Variants in SYCP1 observed in about 807,000 individuals in gnomAD.
SYCP1 encodes synaptonemal complex protein 1.
In SYCP1, 64 loss-of-function variants were observed where a neutral mutation model predicts 153.1. The observed-to-expected ratio is 0.42, with a 90% CI of 0.34 to 0.51. The LOEUF is 0.51. SYCP1 is among the 20% of genes least tolerant of loss of function. The pLI, the probability that SYCP1 is intolerant of heterozygous loss-of-function variation, is 0.06. For synonymous variants in SYCP1, 384 were observed against 341.8 expected (o/e 1.12, Z -1.36); for missense variants, 997 against 1,049.0 (o/e 0.95, Z 0.68).
chr1:114,886,340 A>C (rs781334725), intron 14 of SYCP1, 31 bp downstream of exon 14: 2 of 1,455,556 alleles, frequency 1.4e-6, no homozygotes, highest in Non-Finnish European at 1.8e-6. Context: ...AATACACAAA[A>C]TAAGTGAATA....
chr1:114,864,969 C>T (rs777878221), intron 8 of SYCP1, among the ~76,000 whole-genome samples: 4 of 152,042 alleles, frequency 2.6e-5, no homozygotes, highest in Admixed American at 1.3e-4. Context: ...CCCATTAACT[C>T]GTCATTTAGC....
chr1:114,868,344 T>C (rs1570662792), intron 8 of SYCP1, among the ~76,000 whole-genome samples: 1 of 152,186 alleles, frequency 6.6e-6, no homozygotes. Context: ...TCTTGCTATG[T>C]TGCCCAGGCT....
chr1:114,940,740 A>C (rs779061609), intron 23 of SYCP1, among the ~76,000 whole-genome samples: 2 of 152,132 alleles, frequency 1.3e-5, no homozygotes, highest in Non-Finnish European at 2.9e-5. Flanking sequence ...AATAATGTAT[A>C]TTGTATAGTT....
At chr1:114,871,639 C>A (rs1052803153) in intron 8 of SYCP1, among the ~76,000 whole-genome samples, 1 of 152,122 alleles carries the variant, frequency 6.6e-6, no homozygotes, top group African/African-American at 2.4e-5. Context: ...GTGGCATGAT[C>A]CTGGCTCACT....
chr1:114,921,714 T>C (rs936520986), intron 20 of SYCP1, among the ~76,000 whole-genome samples: 53 of 152,170 alleles, frequency 3.5e-4, no homozygotes, highest in African/African-American at 1.0e-3. Context: ...TAATGTTCTA[T>C]GTATTTACTG....
intron 23 of SYCP1, among the ~76,000 whole-genome samples, chr1:114,930,906 T>C (rs1343115292): frequency 6.6e-6 from 1 of 151,870 alleles, no homozygotes; most frequent in African/African-American, 2.4e-5. Flanking sequence ...TAATACATGA[T>C]AAAAACCATA....
At chr1:114,926,790 A>C (rs1669283410) in intron 23 of SYCP1, among the ~76,000 whole-genome samples, 1 of 152,070 alleles carries the variant, frequency 6.6e-6, no homozygotes, top group Non-Finnish European at 1.5e-5. Flanking sequence ...GCTTGGATTC[A>C]AGCAGCTTAA....
At chr1:114,948,145 TTCA>T (rs1557825462) in intron 27 of SYCP1, among the ~76,000 whole-genome samples, 1 of 152,186 alleles carries the variant, frequency 6.6e-6, no homozygotes, top group Non-Finnish European at 1.5e-5. Flanking sequence ...TTTGAAGCTA[TTCA>T]TCATGTTTCA....
chr1:114,873,644 G>A (rs1665319714), intron 8 of SYCP1, among the ~76,000 whole-genome samples: 1 of 152,196 alleles, frequency 6.6e-6, no homozygotes, highest in Admixed American at 6.5e-5. Flanking sequence ...TTTCCTGTTA[G>A]AAGCACAAGG....
chr1:114,925,601 T>A lies in SYCP1; in HGVS notation c.1801-677T>A, dbSNP rs115579578. 3.2e-3 allele frequency among the ~76,000 whole-genome samples: 491 copies of A among 152,282 alleles called. 2 individuals carry two copies. Among genetic ancestry groups the A allele is most frequent in the African/African-American group, 0.011 (470 of 41,576 alleles). ...TCAGACATTTTTTATTTTATATATA[T>A]TTTATCTATCTGAGCCTTAGTTTCC... is the stretch of plus-strand genomic sequence containing the variant. On this transcript the variant is annotated intron_variant, in intron 21 of 31. Coordinates refer to ENST00000369522, the MANE Select transcript of SYCP1 (RefSeq NM_003176.4).
At chr1:114,948,827 A>G (rs561088331) in intron 27 of SYCP1, among the ~76,000 whole-genome samples, 1 of 152,298 alleles carries the variant, frequency 6.6e-6, no homozygotes, top group South Asian at 2.1e-4. Context: ...CTACTGTTTC[A>G]GTAGAAGAGG....
intron 8 of SYCP1, among the ~76,000 whole-genome samples, chr1:114,861,799 CTTT>C (rs1334859101): frequency 1.5e-5 from 2 of 129,896 alleles, no homozygotes; most frequent in Non-Finnish European, 1.7e-5. Context: ...TTTTTTTATT[CTTT>C]TTTTTTTTTT....
chr1:114,985,714 G>T (rs529129158), intron 30 of SYCP1, among the ~76,000 whole-genome samples: 2 of 151,780 alleles, frequency 1.3e-5, no homozygotes, highest in South Asian at 4.2e-4. Flanking sequence ...CCCTACTTCA[G>T]AACCCCTTTG....
chr1:114,973,021 G>A (rs984026818), intron 27 of SYCP1, among the ~76,000 whole-genome samples: 2 of 151,900 alleles, frequency 1.3e-5, no homozygotes, highest in African/African-American at 4.8e-5. Flanking sequence ...GGGCCTGTGT[G>A]TCTATCTGAT....
intron 27 of SYCP1, among the ~76,000 whole-genome samples, chr1:114,963,933 C>T (rs1409188832): frequency 2.0e-5 from 3 of 152,104 alleles, no homozygotes; most frequent in Non-Finnish European, 4.4e-5. Context: ...GTTCTAGATC[C>T]TTGAGGAATC....
At chr1:114,937,096 A>T (rs1262130944) in intron 23 of SYCP1, among the ~76,000 whole-genome samples, 1 of 152,244 alleles carries the variant, frequency 6.6e-6, no homozygotes, top group Non-Finnish European at 1.5e-5. Flanking sequence ...AGACAATTCT[A>T]AGCGAAAAGA....
intron 16 of SYCP1, among the ~76,000 whole-genome samples, chr1:114,895,957 C>T (rs1667033091): frequency 6.6e-6 from 1 of 152,158 alleles, no homozygotes; most frequent in Non-Finnish European, 1.5e-5. Flanking sequence ...GGTCAGCAAA[C>T]TGTCTGTAGA....
intron 27 of SYCP1, among the ~76,000 whole-genome samples, chr1:114,952,730 A>G (rs1446485439): frequency 6.6e-6 from 1 of 152,182 alleles, no homozygotes; most frequent in Non-Finnish European, 1.5e-5. Flanking sequence ...TGTGGGGATA[A>G]TGGGAACTAC....
At chr1:114,884,111 C>T (rs997831628) in intron 12 of SYCP1, among the ~76,000 whole-genome samples, 3 of 152,154 alleles carry the variant, frequency 2.0e-5, no homozygotes, top group Non-Finnish European at 2.9e-5. Context: ...TGCTTAACAT[C>T]CTTTATTGTT....
Sources: gnomAD v4.1 joint callset for allele counts (sites outside exome capture counted in the v4.1 genomes callset) on GRCh38, gnomAD v4.1.1 for gene constraint, MANE v1.5 for transcripts, NCBI Gene and HGNC (gene_info 2026-07-23, HGNC 2026-07-21) for gene names.